The following ENPEP variants were observed in gnomAD, a reference collection of about 807,000 sequenced individuals.
ENPEP encodes the protein glutamyl aminopeptidase.
In ENPEP, 103 loss-of-function variants were observed where a neutral mutation model predicts 114.5. The observed-to-expected ratio is 0.90, with a 90% confidence interval of 0.77 to 1.06. The LOEUF is 1.06. ENPEP is among the 50% of genes least tolerant of loss of function. The probability of loss-of-function intolerance (pLI) is 0.00; values close to 1 mark genes in which losing one functional copy is unlikely to be tolerated. For missense variants in ENPEP, 1,196 were observed against 1,161.3 expected, an observed-to-expected ratio of 1.03 and a Z score of -0.43; for synonymous variants, 420 against 422.0, an observed-to-expected ratio of 1.00 and a Z score of 0.06.
chr4:110,526,164 T>C (rs1419465538), intron 10 of ENPEP, among the ~76,000 whole-genome samples: 1 of 151,980 alleles, frequency 6.6e-6, no homozygotes, highest in Non-Finnish European at 1.5e-5. Context: ...TAATCCCAGC[T>C]ACTCGGGAGG....
In ENPEP at chr4:110,565,048, A is replaced by T. The variant is rs920791212; in HGVS notation, c.*3490A>T. On this transcript the variant is annotated 3_prime_UTR_variant, in exon 20 of 20. Transcript: ENST00000265162. Reference sequence around the variant, plus strand: ...ATAATCTAGCCTAATATAAACACCAAACTAATATACTCCTCTACCATAGTA... The same window carrying T: ...ATAATCTAGCCTAATATAAACACCATACTAATATACTCCTCTACCATAGTA... The T allele has an allele frequency of 1.3e-5, 2 of 152,122 alleles. No individual in the cohort carries two copies. The highest frequency in any genetic ancestry group is 2.4e-5 in the African/African-American group (1 of 41,408). 9.4% of individuals were successfully genotyped at this position (152,122 alleles called of 1,614,324 possible).
intron 3 of ENPEP, among the ~76,000 whole-genome samples, chr4:110,504,414 G>T (rs559590493): frequency 6.6e-6 from 1 of 152,290 alleles, no homozygotes; most frequent in East Asian, 1.9e-4. Context: ...AGCAGCCATG[G>T]CAGAGGGGCT....
At chr4:110,519,096 G>T (rs1001340490) in intron 8 of ENPEP, 4 of 455,698 alleles carry the variant, frequency 8.8e-6, no homozygotes, top group Admixed American at 4.7e-5. Flanking sequence ...GTAGTGCCAA[G>T]AAGTGAATTA....
chr4:110,509,689 T>C lies in ENPEP; in HGVS notation c.1076T>C (p.Met359Thr), dbSNP rs368712110. 109 of 1,613,722 alleles carry C rather than the reference T, an allele frequency of 6.8e-5. No individual in the cohort carries two copies. The highest frequency in any genetic ancestry group is 8.7e-5 in the Non-Finnish European group (103 of 1,179,946). ...ATTCCAGATTTTGGCACTGGTGCCA[T>C]GGAGAACTGGGGACTCATCACGTAC... ...IAIPDFGTGA[M>T]ENWGLITYRE... The change falls in exon 5 of 20, where the codon ATG (methionine) becomes ACG (threonine). Residue 359 changes from methionine to threonine, a missense_variant. By Grantham distance (81) the Met-to-Thr change is moderately conservative (BLOSUM62 -1). Coordinates refer to ENST00000265162, the MANE Select transcript of ENPEP (RefSeq NM_001977.4).
chr4:110,493,418 A>C (rs928614824), intron 3 of ENPEP, among the ~76,000 whole-genome samples: 8 of 152,200 alleles, frequency 5.3e-5, no homozygotes, highest in Admixed American at 3.9e-4. Context: ...ATTACTGTCC[A>C]ATCATCTATT....
rs1291154914 is a variant in ENPEP at position 110,548,275 on chromosome 4, C to T, written c.2100C>T (p.Thr700=). The change falls in exon 14 of 20, where the codon ACC becomes ACT. Residue 700 remains threonine (T), a synonymous_variant. Coordinates refer to ENST00000265162, the MANE Select transcript of ENPEP (RefSeq NM_001977.4). ...LPWQRVISAV[T]YIISMFEDDK... ...GGCAGAGAGTAATTTCAGCTGTAAC[C>T]TACATCATTAGCATGTTTGAAGATG... The T allele has an allele frequency of 1.2e-6, 2 of 1,602,664 alleles. No homozygotes were observed.
intron 13 of ENPEP, among the ~76,000 whole-genome samples, chr4:110,543,302 T>C (rs1280593397): frequency 6.6e-6 from 1 of 152,096 alleles, no homozygotes; most frequent in Non-Finnish European, 1.5e-5. Flanking sequence ...CCTAACTTAT[T>C]GACTTTGAGT....
intron 11 of ENPEP, among the ~76,000 whole-genome samples, chr4:110,540,989 G>C (rs1321036040): frequency 2.6e-5 from 4 of 152,126 alleles, no homozygotes; most frequent in African/African-American, 4.8e-5. Context: ...TCCTAGGTCT[G>C]TGAGACTCAA....
At chr4:110,516,974 C>T (rs113422780) in intron 8 of ENPEP, among the ~76,000 whole-genome samples, 157 of 152,104 alleles carry the variant, frequency 1.0e-3, no homozygotes, top group African/African-American at 3.4e-3. Flanking sequence ...GACAGAGTCT[C>T]GCTCTGTCGC....
intron 1 of ENPEP, among the ~76,000 whole-genome samples, chr4:110,480,752 A>G (rs1366696759): frequency 6.6e-6 from 1 of 152,226 alleles, no homozygotes; most frequent in African/African-American, 2.4e-5. Context: ...GACAAAATTT[A>G]GAATTCCACA....
intron 18 of ENPEP, 37 bp from the exon 19 acceptor site, chr4:110,559,610 G>C (rs1219553772): frequency 1.5e-6 from 2 of 1,356,358 alleles, no homozygotes; most frequent in East Asian, 4.6e-5. Context: ...AACATTCTGA[G>C]CACTTACACT....
chr4:110,482,065 G>A (rs928816525), intron 1 of ENPEP, among the ~76,000 whole-genome samples: 1 of 152,170 alleles, frequency 6.6e-6, no homozygotes, highest in East Asian at 1.9e-4. Context: ...AGGAAAAATA[G>A]CCATGATAGG....
chr4:110,512,334 T>C (rs868100621), intron 6 of ENPEP, among the ~76,000 whole-genome samples: 3 of 152,178 alleles, frequency 2.0e-5, no homozygotes, highest in African/African-American at 4.8e-5. Flanking sequence ...ACACAGCTGG[T>C]AGCAAAATCC....
intron 3 of ENPEP, among the ~76,000 whole-genome samples, chr4:110,504,204 A>G (rs1460942935): frequency 2.0e-5 from 3 of 152,094 alleles, no homozygotes; most frequent in African/African-American, 7.2e-5. Flanking sequence ...AATTGGTGCA[A>G]TCAGCCCGGG....
chr4:110,486,650 T>A (rs549458227), intron 1 of ENPEP, among the ~76,000 whole-genome samples: 6 of 152,320 alleles, frequency 3.9e-5, no homozygotes, highest in African/African-American at 1.4e-4. Flanking sequence ...TTATTTTCTA[T>A]GTAGCTGTCA....
At chr4:110,493,426 A>G (rs1023539413) in intron 3 of ENPEP, among the ~76,000 whole-genome samples, 13 of 152,162 alleles carry the variant, frequency 8.5e-5, no homozygotes, top group African/African-American at 2.9e-4. Flanking sequence ...CCAATCATCT[A>G]TTTTATAAGA....
intron 13 of ENPEP, among the ~76,000 whole-genome samples, chr4:110,545,131 C>T (rs1007864058): frequency 1.1e-4 from 17 of 151,818 alleles, no homozygotes; most frequent in African/African-American, 3.6e-4. Context: ...AGAAGAAATG[C>T]GTAGTTAAAT....
intron 8 of ENPEP, among the ~76,000 whole-genome samples, chr4:110,516,028 G>T (rs757293308): frequency 6.6e-6 from 1 of 152,138 alleles, no homozygotes; most frequent in African/African-American, 2.4e-5. Context: ...CACACTGGGG[G>T]TTAGGGCTTA....
chr4:110,551,016 G>A (rs906849069), intron 17 of ENPEP, among the ~76,000 whole-genome samples: 1 of 151,544 alleles, frequency 6.6e-6, no homozygotes, highest in Admixed American at 6.6e-5. Flanking sequence ...CACTTTGGGA[G>A]GCCGAGGCAG....
Sources: allele counts gnomAD v4.1 joint callset (sites outside exome capture counted in the v4.1 genomes callset), GRCh38; gene constraint gnomAD v4.1.1; transcripts MANE v1.5; gene names NCBI Gene and HGNC (gene_info 2026-07-23, HGNC 2026-07-21).